ANKRD36C: variants seen among roughly 807,000 people sequenced by gnomAD.
The protein encoded by ANKRD36C is ankyrin repeat domain 36C.
A neutral mutation model predicts 276.4 loss-of-function variants in ANKRD36C; 61 were observed. The ratio of observed to expected loss-of-function variants is 0.22; its 90% CI spans 0.18 to 0.27. The LOEUF is 0.27. Ranked by LOEUF, ANKRD36C falls within the 10% of genes least tolerant of loss-of-function variation. ANKRD36C has a pLI of 1.00. For missense variants in ANKRD36C, 1,447 were observed against 2,032.3 expected, an observed-to-expected ratio of 0.71 and a Z score of 5.54; for synonymous variants, 483 against 680.1, an observed-to-expected ratio of 0.71 and a Z score of 4.51.
chr2:95,850,213 T>C (rs1675261636), downstream of ANKRD36C, among the ~76,000 whole-genome samples: 1 of 152,294 alleles, frequency 6.6e-6, no homozygotes, highest in Admixed American at 6.5e-5. Flanking sequence ...TCTTCATTCA[T>C]GTATTCAGCA....
rs1558635026 is a variant in ANKRD36C at position 95,908,998 on chromosome 2, T to G, written c.2653+3246A>C. Among the ~76,000 whole-genome samples the G allele has an allele frequency of 5.3e-5, 8 of 151,112 alleles. No individual in the cohort carries two copies. The South Asian group carries it at 1.7e-3, about 32-fold the overall frequency. On this transcript the variant is annotated intron_variant, in intron 42 of 66. Coordinates refer to ENST00000456556, the Ensembl canonical transcript of ANKRD36C. ...GCCGAGTGATGAGGACAAAGTGATC[T>G]AAAATCAGAGGAGCAACACATACAC...
In ANKRD36C at chr2:95,925,574, C is replaced by A. The variant is rs754457055; in HGVS notation, c.1940-27G>T. 3.3e-6 allele frequency: 5 copies of A among 1,531,960 alleles called. No individual in the cohort carries two copies. The South Asian group carries it at 4.9e-5, about 15-fold the overall frequency. 94.9% of individuals were successfully genotyped at this position (1,531,960 alleles called of 1,614,324 possible). A position where few individuals can be genotyped will look rare whatever the true frequency, so the allele number is the denominator to read the frequency against. The stretch of plus-strand genomic sequence containing the variant: ...TGAAAAGTAAAAGAAATATATAATT[C>A]ATCATATGTAAATATGATAAAGTCG... On this transcript the variant is annotated intron_variant, in intron 28 of 66. Transcript: ENST00000456556.
At chr2:95,894,268 G>C (rs1039323006) in intron 44 of ANKRD36C, 1 of 160,448 alleles carries the variant, frequency 6.2e-6, no homozygotes, top group Non-Finnish European at 1.4e-5. Flanking sequence ...ACACCTGTTT[G>C]CTGATACCTA....
chr2:95,912,857 T>C (rs563048789), intron 40 of ANKRD36C, among the ~76,000 whole-genome samples: 3 of 151,438 alleles, frequency 2.0e-5, no homozygotes, highest in East Asian at 3.9e-4. Flanking sequence ...CAAACATTCA[T>C]CATGCTCTTT....
intron 3 of ANKRD36C, among the ~76,000 whole-genome samples, chr2:95,984,929 A>T (rs992052688): frequency 3.9e-5 from 6 of 152,208 alleles, no homozygotes; most frequent in Non-Finnish European, 5.9e-5. Context: ...TAAAACTGCT[A>T]TCCTGATTAT....
intron 62 of ANKRD36C, 138 bp downstream of exon 82, chr2:95,857,171 A>C (rs1324973470): frequency 1.9e-6 from 2 of 1,065,906 alleles, no homozygotes; most frequent in Non-Finnish European, 2.6e-6. Context: ...TTATAGTTAT[A>C]AATGCCATGA....
chr2:95,926,806 T>C (rs1166666198), intron 28 of ANKRD36C, among the ~76,000 whole-genome samples: 2 of 151,612 alleles, frequency 1.3e-5, no homozygotes, highest in African/African-American at 4.8e-5. Flanking sequence ...GTGGTCTCCT[T>C]AGCTCTCGTT....
At position 95,880,624 on chromosome 2, in the gene ANKRD36C, C is replaced by G; in HGVS notation, c.3368-1G>C. ...AAGGTGGGCAGATTCTCAGGATACT[C>G]TAACAAGCAAGAGAAATATATAATC... On this transcript the variant is annotated splice_acceptor_variant, in intron 56 of 66. Coordinates refer to ENST00000456556, the Ensembl canonical transcript of ANKRD36C. LOFTEE classifies it high-confidence loss of function. 3 of 1,519,182 alleles carry G rather than the reference C, an allele frequency of 2.0e-6. No individual in the cohort carries two copies. Among genetic ancestry groups the G allele is most frequent in the Non-Finnish European group, 2.7e-6 (3 of 1,119,026 alleles). The allele number at this position is 1,519,182 out of a possible 1,614,324, so 94.1% of individuals were successfully genotyped here. A position where few individuals can be genotyped will look rare whatever the true frequency, so the allele number is the denominator to read the frequency against.
chr2:95,855,071 T>G (rs1468282768), intron 63 of ANKRD36C, among the ~76,000 whole-genome samples, 195 bp downstream of exon 83: 2 of 152,194 alleles, frequency 1.3e-5, no homozygotes, highest in African/African-American at 4.8e-5. Context: ...AGTGACACAT[T>G]AACTTTAATC....
At chr2:95,958,279 C>T (rs992455743) in intron 12 of ANKRD36C, among the ~76,000 whole-genome samples, 11 of 152,054 alleles carry the variant, frequency 7.2e-5, no homozygotes, top group African/African-American at 2.4e-4. Context: ...GTTCTCCTTC[C>T]TGTCTTGATG....
chr2:95,875,926 C>G (rs1326433142), intron 59 of ANKRD36C: 1 of 400,086 alleles, frequency 2.5e-6, no homozygotes, highest in Non-Finnish European at 5.0e-6. Context: ...TCTTGATAGC[C>G]AGTTGGGTTG....
intron 44 of ANKRD36C, among the ~76,000 whole-genome samples, chr2:95,894,535 G>A (rs1268599465): frequency 1.3e-5 from 2 of 151,284 alleles, no homozygotes; most frequent in African/African-American, 2.4e-5. Flanking sequence ...ATCACTCTAG[G>A]ACTTAATTAG....
In ANKRD36C at chr2:95,860,034, T is replaced by C. The variant is rs75657861; in HGVS notation, c.3723A>G (p.Leu1241=). 596 of 1,545,816 alleles carry C rather than the reference T, an allele frequency of 3.9e-4. 8 individuals are homozygous for C. In the African/African-American group the frequency reaches 6.2e-3, roughly 16 times the overall value. Residue 1241 remains leucine, a synonymous_variant, in exon 61 of 67, where the codon TTA becomes TTG. Coordinates refer to ENST00000456556, the Ensembl canonical transcript of ANKRD36C. ...CTTTAAGTTCTGTTAATCTTTTACA[T>C]AAACAAAATGTCTTTTTAATTTTCA... is the stretch of plus-strand genomic sequence containing the variant.
Position 95,971,421 on chromosome 2 carries a change from G to A in ANKRD36C, c.799+6701C>T, listed in dbSNP as rs570142180. 4.3e-4 allele frequency among the ~76,000 whole-genome samples: 63 copies of A among 147,042 alleles called. 1 individual carries two copies. The East Asian group carries it at 8.5e-3, about 20-fold the overall frequency. On this transcript the variant is annotated intron_variant, in intron 6 of 66. Coordinates refer to ENST00000456556, the Ensembl canonical transcript of ANKRD36C. ...ATGGGGGGAGCTATGCATGTGAGGGGGGATGGCGTATATCAAAAATCTCTT... is the reference window on the plus strand; with the variant it reads ...ATGGGGGGAGCTATGCATGTGAGGGAGGATGGCGTATATCAAAAATCTCTT...
intron 36 of ANKRD36C, among the ~76,000 whole-genome samples, chr2:95,916,806 T>C (rs968898729): frequency 4.0e-5 from 6 of 151,654 alleles, no homozygotes; most frequent in Non-Finnish European, 7.4e-5. Flanking sequence ...TTAGCCTTCC[T>C]ATAATTTCTT....
intron 38 of ANKRD36C, 57 bp from the exon 41 acceptor site, chr2:95,914,360 T>G: frequency 6.5e-7 from 1 of 1,528,790 alleles, no homozygotes; most frequent in Non-Finnish European, 8.9e-7. Context: ...AAATTATCCA[T>G]ACATTCATGC....
At chr2:95,894,669 T>C (rs1676484286) in intron 44 of ANKRD36C, among the ~76,000 whole-genome samples, 1 of 151,388 alleles carries the variant, frequency 6.6e-6, no homozygotes, top group Non-Finnish European at 1.5e-5. Context: ...AGCCAACGTA[T>C]TCATATTCAC....
At chr2:95,971,510 A>T (rs967425428) in intron 6 of ANKRD36C, among the ~76,000 whole-genome samples, 22 of 152,058 alleles carry the variant, frequency 1.4e-4, no homozygotes, top group Admixed American at 3.9e-4. Flanking sequence ...TTAATTTTTT[A>T]AAAAGATTTT....
At chr2:95,950,969 A>AAAT (rs952126492) in intron 15 of ANKRD36C, among the ~76,000 whole-genome samples, 190 bp from the exon 16 acceptor site, 11 of 149,100 alleles carry the variant, frequency 7.4e-5, no homozygotes, top group African/African-American at 2.8e-4. Flanking sequence ...ATCCTTATAA[A>AAAT]AATAATAATA....
Sources: gnomAD v4.1 joint callset for allele counts (sites outside exome capture counted in the v4.1 genomes callset) on GRCh38, gnomAD v4.1.1 for gene constraint, MANE v1.5 for transcripts, NCBI Gene and HGNC (gene_info 2026-07-23, HGNC 2026-07-21) for gene names.